The following WNK4 variants were observed in gnomAD, a reference collection of about 807,000 sequenced individuals.
The protein encoded by WNK4 is WNK lysine deficient protein kinase 4.
WNK4 carries 94 observed loss-of-function variants against 116.2 expected under a neutral mutation model. The ratio of observed to expected loss-of-function variants is 0.81; its 90% CI spans 0.68 to 0.96. The LOEUF (loss-of-function observed/expected upper bound fraction) is 0.96, where lower values mean the gene tolerates loss of function less well. Ranked by LOEUF, WNK4 falls within the 40% of genes least tolerant of loss-of-function variation. The pLI, the probability that WNK4 is intolerant of heterozygous loss-of-function variation, is 0.00. For missense variants in WNK4, 1,542 were observed against 1,650.6 expected, an observed-to-expected ratio of 0.93 and a Z score of 1.14; for synonymous variants, 655 against 672.7, an observed-to-expected ratio of 0.97 and a Z score of 0.41.
Position 42,784,425 on chromosome 17 carries a change from C to T in WNK4, c.1016C>T (p.Thr339Ile). 6.2e-7 allele frequency: 1 copy of T among 1,613,348 alleles called. No individual in the cohort carries two copies. Among genetic ancestry groups the T allele is most frequent in the Non-Finnish European group, 8.5e-7 (1 of 1,179,766 alleles). ...RASFAKSVIG[T>I]PEFMAPEMYE... ...ATCCCTGCTGTGGACCCTACAGGGA[C>T]CCCGGAATTCATGGCCCCCGAGATG... Residue 339 changes from threonine (T) to isoleucine (I), a missense_variant, in exon 4 of 19, where the codon ACC becomes ATC. Thr to Ile is a moderately conservative substitution (Grantham distance 89). Around this residue, in one of 7 missense-constraint regions of WNK4, gnomAD observed 808 missense variants for 873.6 expected, o/e 0.92. Transcript: ENST00000246914. This position sits in a 1 kb window ranked among gnomAD's most constrained non-coding sequence, Gnocchi z 4.4.
chr17:42,789,978 C>G (rs1472502064), intron 11 of WNK4, among the ~76,000 whole-genome samples: 1 of 152,038 alleles, frequency 6.6e-6, no homozygotes, highest in Non-Finnish European at 1.5e-5. Context: ...TGCACTCCAG[C>G]CTGGAAGACA....
chr17:42,796,112 T>C lies in WNK4; in HGVS notation c.3432-11T>C, dbSNP rs1434322284. On this transcript the variant is annotated splice_polypyrimidine_tract_variant and intron_variant, in intron 16 of 18. Coordinates refer to ENST00000246914, the MANE Select transcript of WNK4 (RefSeq NM_032387.5). ...GTGGCTAGCCCTTTCATGCCCTCCG[T>C]GCATCCTCAGGCACTTGTCAGAGGT... 3 of 1,613,898 alleles carry C rather than the reference T, an allele frequency of 1.9e-6. No homozygotes were observed. Among genetic ancestry groups the C allele is most frequent in the Non-Finnish European group, 2.5e-6 (3 of 1,180,000 alleles).
chr17:42,796,204 C>T lies in WNK4; in HGVS notation c.3513C>T (p.Pro1171=). The T allele has an allele frequency of 6.2e-7, 1 of 1,613,904 alleles. No individual in the cohort carries two copies. Among genetic ancestry groups the T allele is most frequent in the African/African-American group, 1.3e-5 (1 of 75,022 alleles). Residue 1171 remains proline (P), a synonymous_variant, in exon 17 of 19, where the codon CCC becomes CCT. Coordinates refer to ENST00000246914, the MANE Select transcript of WNK4 (RefSeq NM_032387.5). ...TGTACAGCCGGCTGGGGAAGCAGCC[C>T]CCACCGGGTATTGTGGCCCCAGCTG... is the stretch of plus-strand genomic sequence containing the variant. ...EDLYSRLGKQ[P]PPGIVAPAAM...
Position 42,784,260 on chromosome 17 carries a change from C to A in WNK4, c.1012+103C>A. ...GCAAGGGCCTTCAAGGTCCACAAAACTACCAGACGACAGGGAAGCTGAGGA... is the reference window on the plus strand; with the variant it reads ...GCAAGGGCCTTCAAGGTCCACAAAAATACCAGACGACAGGGAAGCTGAGGA... On this transcript the variant is annotated intron_variant, in intron 3 of 18. Coordinates refer to ENST00000246914, the MANE Select transcript of WNK4 (RefSeq NM_032387.5). This position sits in a 1 kb window ranked among gnomAD's most constrained non-coding sequence, Gnocchi z 4.4. The A allele has an allele frequency of 6.4e-7, 1 of 1,559,442 alleles. No homozygotes were observed. The highest frequency in any genetic ancestry group is 8.8e-7 in the Non-Finnish European group (1 of 1,138,682).
At position 42,785,980 on chromosome 17, in the gene WNK4, A is replaced by C. The variant is rs1361481250; in HGVS notation, c.1476+498A>C. Among the ~76,000 whole-genome samples the C allele has an allele frequency of 2.6e-5, 4 of 152,212 alleles. No homozygotes were observed. The East Asian group carries it at 7.7e-4, about 29-fold the overall frequency. The stretch of plus-strand genomic sequence containing the variant: ...ACTAGACTATAAACTCCCTGAGGGC[A>C]GAGACTGTGTTTTATCGATTCTTCT... On this transcript the variant is annotated intron_variant, in intron 6 of 18. Transcript: ENST00000246914.
Position 42,787,813 on chromosome 17 carries a change from G to A in WNK4, c.1777G>A (p.Gly593Ser), listed in dbSNP as rs746803815. The change falls in exon 8 of 19, where the codon GGC (glycine) becomes AGC (serine). Residue 593 changes from glycine (G) to serine (S), a missense_variant. This residue lies in a region of WNK4 where 808 missense variants were observed against 873.6 expected (regional missense o/e 0.92). Coordinates refer to ENST00000246914, the MANE Select transcript of WNK4 (RefSeq NM_032387.5). ...GACTGATGGCTACCTCAGCTCCTCC[G>A]GCTTCCTGGATGCCTCAGACCCTGC... ...CETDGYLSSS[G>S]FLDASDPALQ... The A allele has an allele frequency of 2.0e-5, 33 of 1,612,306 alleles. No homozygotes were observed. The highest frequency in any genetic ancestry group is 1.1e-4 in the East Asian group (5 of 44,880).
At chr17:42,790,349 G>C (rs566709314) in intron 11 of WNK4, among the ~76,000 whole-genome samples, 3 of 152,228 alleles carry the variant, frequency 2.0e-5, no homozygotes, top group Non-Finnish European at 4.4e-5. Flanking sequence ...CACCAAAGGA[G>C]AGTAGGAGAG....
Position 42,794,665 on chromosome 17 carries a change from A to G in WNK4, c.2347A>G (p.Asn783Asp). 5 of 1,613,364 alleles carry G rather than the reference A, an allele frequency of 3.1e-6. No homozygotes were observed. The highest frequency in any genetic ancestry group is 1.1e-5 in the South Asian group (1 of 91,050). The change falls in exon 13 of 19, where the codon AAT becomes GAT. Residue 783 changes from asparagine (N) to aspartate (D), a missense_variant. By Grantham distance (23) the Asn-to-Asp change is conservative (BLOSUM62 1). This residue lies in a region of WNK4 where 808 missense variants were observed against 873.6 expected (regional missense o/e 0.92). Coordinates refer to ENST00000246914, the MANE Select transcript of WNK4 (RefSeq NM_032387.5). The stretch of plus-strand genomic sequence containing the variant: ...GCCCGTCCCCCTCCCAGACCCATCC[A>G]ATGGTATGTACTGAGTTGTGTCCTT... ...ALPVPLPDPS[N>D]EELQSSTSLE...
chr17:42,794,583 CTG>C, intron 12 of WNK4, 29 bp from the exon 13 acceptor site: 2 of 1,613,234 alleles, frequency 1.2e-6, no homozygotes, highest in Non-Finnish European at 1.7e-6. Flanking sequence ...CTCTTCCCCA[CTG>C]TGACTGCGGA....
chr17:42,788,421 A>G lies in WNK4; in HGVS notation c.2040+14A>G, dbSNP rs1368419198. On this transcript the variant is annotated intron_variant, in intron 10 of 18. Transcript: ENST00000246914. ...CGGGTCACTAGTGTAAGGATGGAGT[A>G]CAGGAGATAGAGAGTAACCTACAGG... 11 of 1,610,498 alleles carry G rather than the reference A, an allele frequency of 6.8e-6. No homozygotes were observed. The highest frequency in any genetic ancestry group is 8.5e-6 in the Non-Finnish European group (10 of 1,178,484).
rs1294722086 is a variant in WNK4 at position 42,784,192 on chromosome 17, C to T, written c.1012+35C>T. 6.2e-7 allele frequency: 1 copy of T among 1,601,880 alleles called. No individual in the cohort carries two copies. Among genetic ancestry groups the T allele is most frequent in the Admixed American group, 1.7e-5 (1 of 60,022 alleles). On this transcript the variant is annotated intron_variant, in intron 3 of 18. Coordinates refer to ENST00000246914, the MANE Select transcript of WNK4 (RefSeq NM_032387.5). The surrounding 1 kb of genome is among the most constrained non-coding windows in gnomAD (Gnocchi z 4.4). ...TCCAGGAGGGTCCATGCCATTCCTT[C>T]CTCCCCCACCTCAGAAGAGAACCTG...
At chr17:42,783,017 T>TGTAAAACCAGGTGTAAAACTCTCCA in intron 2 of WNK4, 87 bp downstream of exon 2, 1 of 1,527,888 alleles carries the variant, frequency 6.5e-7, no homozygotes, top group East Asian at 2.4e-5. Context: ...TCAAACTCTC[T>TGTAAAACCAGGTGTAAAACTCTCCA]AATATCCAGG....
At position 42,795,081 on chromosome 17, in the gene WNK4, C is replaced by T. The variant is rs867066119; in HGVS notation, c.2660C>T (p.Thr887Ile). ...TGTCCCTGGAGTTCTCTCCCCACGA[C>T]TTCTCCACCTACGTTCTCTCCCACT... ...SQCPWSSLPT[T>I]SPPTFSPTCS... is the part of the protein sequence containing the mutation. The change falls in exon 14 of 19, where the codon ACT becomes ATT. Residue 887 changes from threonine (T) to isoleucine (I), a missense_variant. Physicochemically the swap from Thr to Ile is moderately conservative, Grantham distance 89 (BLOSUM62 -1). Around this residue, in one of 7 missense-constraint regions of WNK4, gnomAD observed 292 missense variants for 290.1 expected, o/e 1.01. Transcript: ENST00000246914. 1 of 1,614,086 alleles carries T rather than the reference C, an allele frequency of 6.2e-7. No individual in the cohort carries two copies. The highest frequency in any genetic ancestry group is 1.6e-4 in the Middle Eastern group (1 of 6,062).
In WNK4 at chr17:42,794,646, C is replaced by T; in HGVS notation, c.2328C>T (p.Val776=). 2 of 1,613,956 alleles carry T rather than the reference C, an allele frequency of 1.2e-6. No individual in the cohort carries two copies. Among genetic ancestry groups the T allele is most frequent in the South Asian group, 2.2e-5 (2 of 91,072 alleles). The change falls in exon 13 of 19, where the codon GTC becomes GTT. Residue 776 remains valine, a synonymous_variant. Coordinates refer to ENST00000246914, the MANE Select transcript of WNK4 (RefSeq NM_032387.5). ...CAGCACCATTACCTGCCCTGCCCGTCCCCCTCCCAGACCCATCCAATGGTA... is the reference window on the plus strand; with the variant it reads ...CAGCACCATTACCTGCCCTGCCCGTTCCCCTCCCAGACCCATCCAATGGTA... ...EEPAPLPALP[V]PLPDPSNEEL... is the part of the protein sequence containing the mutation.
At position 42,784,439 on chromosome 17, in the gene WNK4, G is replaced by T; in HGVS notation, c.1030G>T (p.Ala344Ser). The T allele has an allele frequency of 6.2e-7, 1 of 1,613,702 alleles. No homozygotes were observed. The highest frequency in any genetic ancestry group is 8.5e-7 in the Non-Finnish European group (1 of 1,179,856). ...CCCTACAGGGACCCCGGAATTCATG[G>T]CCCCCGAGATGTACGAGGAAAAGTA... ...KSVIGTPEFM[A>S]PEMYEEKYDE... Residue 344 changes from alanine to serine, a missense_variant, in exon 4 of 19, where the codon GCC (alanine) becomes TCC (serine). Ala to Ser is a moderately conservative substitution (Grantham distance 99). This residue lies in a region of WNK4 where 808 missense variants were observed against 873.6 expected (regional missense o/e 0.92). Transcript: ENST00000246914. The surrounding 1 kb of genome is among the most constrained non-coding windows in gnomAD (Gnocchi z 4.4).
At chr17:42,783,741 T>G in intron 2 of WNK4, 196 bp from the exon 3 acceptor site, 1 of 619,722 alleles carries the variant, frequency 1.6e-6, no homozygotes, top group East Asian at 2.8e-5. Context: ...CCCAACCCGT[T>G]TGGTAACGTC....
rs750940648 is a variant in WNK4 at position 42,794,852 on chromosome 17, T to C, written c.2431T>C (p.Leu811=). 3 of 1,613,740 alleles carry C rather than the reference T, an allele frequency of 1.9e-6. No individual in the cohort carries two copies. Among genetic ancestry groups the C allele is most frequent in the African/African-American group, 1.3e-5 (1 of 74,784 alleles). ...CTCCTCATCTTCTCCTGGAACTCCT[T>C]TGTCTCCTGGAAACCCATTTTCCCC... ...STSSSSPGTP[L]SPGNPFSPGT... The change falls in exon 14 of 19, where the codon TTG becomes CTG. Residue 811 remains leucine, a synonymous_variant. Coordinates refer to ENST00000246914, the MANE Select transcript of WNK4 (RefSeq NM_032387.5).
In WNK4 at chr17:42,785,153, T is replaced by C; in HGVS notation, c.1227T>C (p.Ile409=). ...AGATACCCGAGGTGAAGGAGATCAT[T>C]GAAGGCTGCATCCGCACGGATAAGA... is the stretch of plus-strand genomic sequence containing the variant. ...KVKIPEVKEI[I]EGCIRTDKNE... Residue 409 remains isoleucine (I), a synonymous_variant, in exon 5 of 19, where the codon ATT becomes ATC. Coordinates refer to ENST00000246914, the MANE Select transcript of WNK4 (RefSeq NM_032387.5). The C allele has an allele frequency of 1.2e-6, 2 of 1,613,902 alleles. No homozygotes were observed. The highest frequency in any genetic ancestry group is 1.7e-6 in the Non-Finnish European group (2 of 1,179,968).
In WNK4 at chr17:42,784,320, C is replaced by G; in HGVS notation, c.1013-102C>G. ...CACCCACCTCAACCCCACTGTGGGC[C>G]GGGGTCACTTGCACTCGCAGGGTTG... On this transcript the variant is annotated intron_variant, in intron 3 of 18. Transcript: ENST00000246914. The surrounding 1 kb of genome is among the most constrained non-coding windows in gnomAD (Gnocchi z 4.4). 1 of 1,550,464 alleles carries G rather than the reference C, an allele frequency of 6.4e-7. No homozygotes were observed. Among genetic ancestry groups the G allele is most frequent in the Non-Finnish European group, 8.8e-7 (1 of 1,137,136 alleles).
Sources: allele counts gnomAD v4.1 joint callset (sites outside exome capture counted in the v4.1 genomes callset), GRCh38; gene constraint gnomAD v4.1.1; regional missense constraint gnomAD v4.1.1; non-coding constraint Gnocchi (gnomAD v3.1); transcripts MANE v1.5; gene names NCBI Gene and HGNC (gene_info 2026-07-23, HGNC 2026-07-21).